Variants in RSU1 observed in about 807,000 individuals in gnomAD.
The protein encoded by RSU1 is Ras suppressor protein 1.
A neutral mutation model predicts 31.1 loss-of-function variants in RSU1; 26 were observed. The observed-to-expected ratio is 0.84, with a 90% CI of 0.61 to 1.16. The LOEUF (loss-of-function observed/expected upper bound fraction) is 1.16, where lower values mean the gene tolerates loss of function less well. Among genes scored for constraint, RSU1 ranks in the 50% most tolerant of loss-of-function variants. The probability of loss-of-function intolerance (pLI) is 0.00; values close to 1 mark genes in which losing one functional copy is unlikely to be tolerated. For synonymous variants in RSU1, 164 were observed against 136.3 expected (o/e 1.20, Z -1.41); for missense variants, 320 against 339.1 (o/e 0.94, Z 0.44).
chr10:16,697,150 G>A (rs866013917), intron 7 of RSU1, among the ~76,000 whole-genome samples: 1 of 152,092 alleles, frequency 6.6e-6, no homozygotes, highest in Admixed American at 6.5e-5. Context: ...AGTAAGGGAA[G>A]GGGTTACAAA....
Position 16,704,640 on chromosome 10 carries a change from T to C in RSU1, c.599-9485A>G, listed in dbSNP as rs911645180. On this transcript the variant is annotated intron_variant, in intron 7 of 8. Transcript: ENST00000345264. ...CTCCCTCACAGGGCCCAGAATTCTG[T>C]CATCAGAATCATTCCCTTTGGGCTG... is the stretch of plus-strand genomic sequence containing the variant. Among the ~76,000 whole-genome samples, 4 of 152,348 alleles carry C rather than the reference T, an allele frequency of 2.6e-5. No homozygotes were observed. The East Asian group carries it at 7.7e-4, about 29-fold the overall frequency.
Position 16,782,030 on chromosome 10 carries a change from T to C in RSU1, c.160+4A>G, listed in dbSNP as rs1837661805. The C allele has an allele frequency of 6.2e-7, 1 of 1,612,586 alleles. No homozygotes were observed. Among genetic ancestry groups the C allele is most frequent in the Admixed American group, 1.7e-5 (1 of 59,944 alleles). On this transcript the variant is annotated splice_donor_region_variant and intron_variant, in intron 3 of 8. Transcript: ENST00000345264. ...AACTGTAACAAATGAGAAACATCAC[T>C]TACTTGTTAGCTTGTTATGGCTGAG...
rs189317432 is a variant in RSU1, at chr10:16,657,483, T to A, written c.731+37540A>T. Among the ~76,000 whole-genome samples, 922 of 149,898 alleles carry A rather than the reference T, an allele frequency of 6.2e-3. 8 individuals carry two copies. The highest frequency in any genetic ancestry group is 0.022 in the African/African-American group (885 of 41,116). ...TTATTCTAGGTTAGACTTTTGGGAT[T>A]TTTTTTTTTCATTTTTAATATTACC... On this transcript the variant is annotated intron_variant, in intron 8 of 8. Coordinates refer to ENST00000345264, the MANE Select transcript of RSU1 (RefSeq NM_012425.4).
rs146389429 is a variant in RSU1 at position 16,716,102 on chromosome 10, G to A, written c.599-20947C>T. ...TTAAAAGAATAAAATCTCCTTAGTC[G>A]GAATTCTTGATGAAAATCATCACAC... On this transcript the variant is annotated intron_variant, in intron 7 of 8. Transcript: ENST00000345264. Among the ~76,000 whole-genome samples, 500 of 152,212 alleles carry A rather than the reference G, an allele frequency of 3.3e-3. 1 individual carries two copies. The highest frequency in any genetic ancestry group is 4.5e-3 in the Non-Finnish European group (304 of 68,012).
At chr10:16,754,500 C>T (rs1027097352) in intron 5 of RSU1, among the ~76,000 whole-genome samples, 40 of 150,846 alleles carry the variant, frequency 2.7e-4, no homozygotes, top group Non-Finnish European at 5.0e-4. Context: ...GTTGGAATAT[C>T]CTGGGCAAAT....
intron 7 of RSU1, among the ~76,000 whole-genome samples, chr10:16,721,977 T>C (rs1448889081): frequency 2.6e-5 from 4 of 152,198 alleles, no homozygotes; most frequent in South Asian, 2.1e-4. Context: ...ACCGTGACTA[T>C]TGCTACTGCC....
intron 7 of RSU1, among the ~76,000 whole-genome samples, chr10:16,705,935 C>T (rs1049798943): frequency 1.3e-5 from 2 of 152,188 alleles, no homozygotes; most frequent in African/African-American, 4.8e-5. Context: ...CACCACCACA[C>T]CCAGCCCAAA....
intron 3 of RSU1, chr10:16,767,437 G>C (rs1229531715): frequency 6.6e-6 from 1 of 152,140 alleles, no homozygotes; most frequent in Non-Finnish European, 1.5e-5. Flanking sequence ...TGCTAAATGT[G>C]ATTTAGGGCT....
intron 7 of RSU1, among the ~76,000 whole-genome samples, chr10:16,718,269 A>T (rs924845172): frequency 2.0e-5 from 3 of 152,150 alleles, no homozygotes; most frequent in African/African-American, 7.2e-5. Flanking sequence ...GACTATTCTA[A>T]TATTCCTTAG....
Position 16,694,741 on chromosome 10 carries a change from C to A in RSU1, c.731+282G>T, listed in dbSNP as rs1172630406. Among the ~76,000 whole-genome samples, 4 of 151,922 alleles carry A rather than the reference C, an allele frequency of 2.6e-5. No homozygotes were observed. The South Asian group carries it at 6.2e-4, about 24-fold the overall frequency. On this transcript the variant is annotated intron_variant, in intron 8 of 8. Coordinates refer to ENST00000345264, the MANE Select transcript of RSU1 (RefSeq NM_012425.4). Reference sequence around the variant, plus strand: ...ATGCACTACCATGCCTGGATAATTTCTTTTTCTTTTTCTTTTGTAGAGACG... The same window carrying A: ...ATGCACTACCATGCCTGGATAATTTATTTTTCTTTTTCTTTTGTAGAGACG...
Position 16,796,163 on chromosome 10 carries a change from G to T in RSU1, c.110-14079C>A, listed in dbSNP as rs17139220. On this transcript the variant is annotated intron_variant, in intron 2 of 8. Transcript: ENST00000345264. ...CTGCTCTTACCCGAAGGCAAAACAT[G>T]ATTTGGTCTCGTAGGCAGCTCAACC... 2.8e-3 allele frequency among the ~76,000 whole-genome samples: 429 copies of T among 152,266 alleles called. 9 individuals are homozygous for T. Among genetic ancestry groups the T allele is most frequent in the Admixed American group, 0.023 (356 of 15,298 alleles).
intron 6 of RSU1, 105 bp downstream of exon 6, chr10:16,752,813 T>C: frequency 9.0e-7 from 1 of 1,106,744 alleles, no homozygotes; most frequent in Non-Finnish European, 1.4e-6. Context: ...AGTAGTGGTT[T>C]ATTCCCACAA....
intron 7 of RSU1, among the ~76,000 whole-genome samples, chr10:16,726,122 A>G (rs1836387907): frequency 6.6e-6 from 1 of 151,798 alleles, no homozygotes; most frequent in African/African-American, 2.4e-5. Context: ...ATATTCTTGG[A>G]CTCACATAGT....
rs116321769 is a variant in RSU1 at position 16,669,931 on chromosome 10, T to G, written c.731+25092A>C. Among the ~76,000 whole-genome samples, 527 of 152,364 alleles carry G rather than the reference T, an allele frequency of 3.5e-3. 3 individuals are homozygous for G. The highest frequency in any genetic ancestry group is 0.012 in the African/African-American group (512 of 41,588). On this transcript the variant is annotated intron_variant, in intron 8 of 8. Coordinates refer to ENST00000345264, the MANE Select transcript of RSU1 (RefSeq NM_012425.4). ...CAAAGTCAGAGCAAGAAGGCAAAAG[T>G]ACTGGTATTTAATAGCATATAGTAT...
At chr10:16,760,517 G>GAAAAAAA (rs71374701) in intron 4 of RSU1, among the ~76,000 whole-genome samples, 1 of 100,222 alleles carries the variant, frequency 1.0e-5, no homozygotes. Flanking sequence ...CTCAAAAAAA[G>GAAAAAAA]AAAAAAAAAA....
chr10:16,593,539 A>G, intron 8 of RSU1, 43 bp from the exon 9 acceptor site: 1 of 1,473,722 alleles, frequency 6.8e-7, no homozygotes, highest in Non-Finnish European at 9.5e-7. Context: ...TATTTTGCCA[A>G]CACAAGATAG....
At chr10:16,646,061 TACACACACACACACAC>T (rs57414227) in intron 8 of RSU1, among the ~76,000 whole-genome samples, 1 of 78,934 alleles carries the variant, frequency 1.3e-5, no homozygotes, top group Admixed American at 1.3e-4. Context: ...TATATATATA[TACACACACACACACAC>T]ACACACACAC....
intron 8 of RSU1, among the ~76,000 whole-genome samples, chr10:16,676,094 T>C (rs1394023315): frequency 6.6e-6 from 1 of 152,186 alleles, no homozygotes; most frequent in Non-Finnish European, 1.5e-5. Flanking sequence ...TACTAGTAAG[T>C]ATTCTAGAGA....
intron 8 of RSU1, among the ~76,000 whole-genome samples, chr10:16,694,578 T>G (rs990959132): frequency 1.3e-5 from 2 of 152,138 alleles, no homozygotes. Flanking sequence ...TTTTTTCTTG[T>G]TTTTTTCTTT....
Sources: allele counts gnomAD v4.1 joint callset (sites outside exome capture counted in the v4.1 genomes callset), GRCh38; gene constraint gnomAD v4.1.1; transcripts MANE v1.5; gene names NCBI Gene and HGNC (gene_info 2026-07-23, HGNC 2026-07-21).